The following MGAT4C variants were observed in gnomAD, a reference collection of about 807,000 sequenced individuals.
MGAT4C encodes the protein MGAT4 family member C.
In MGAT4C, 19 loss-of-function variants were observed where a neutral mutation model predicts 40.1. That is an observed-to-expected ratio of 0.47 (90% CI 0.33 to 0.70). The LOEUF is 0.70. Ranked by LOEUF, MGAT4C falls within the 30% of genes least tolerant of loss-of-function variation. The pLI is 0.02. For synonymous variants in MGAT4C, 181 were observed against 187.1 expected (o/e 0.97, Z 0.27); for missense variants, 491 against 563.2 (o/e 0.87, Z 1.30).
chr12:86,099,385 T>TGG (rs11295639), intron 1 of MGAT4C, among the ~76,000 whole-genome samples: 8 of 149,974 alleles, frequency 5.3e-5, no homozygotes, highest in African/African-American at 1.7e-4. Context: ...TTCTTTCTTT[T>TGG]GGGGGGGGGC....
intron 2 of MGAT4C, among the ~76,000 whole-genome samples, chr12:86,643,363 A>T (rs1963447071): frequency 6.6e-6 from 1 of 151,842 alleles, no homozygotes; most frequent in Admixed American, 6.6e-5. Flanking sequence ...AATAATTGAA[A>T]ACATATGCAA....
intron 1 of MGAT4C, among the ~76,000 whole-genome samples, chr12:86,793,437 TTTTA>T (rs571338225): frequency 6.6e-6 from 1 of 152,146 alleles, no homozygotes; most frequent in Non-Finnish European, 1.5e-5. Context: ...TTAGAAATAT[TTTTA>T]TTTAATTTTC....
At chr12:86,563,135 G>C (rs1045529675) in intron 2 of MGAT4C, among the ~76,000 whole-genome samples, 1 of 152,146 alleles carries the variant, frequency 6.6e-6, no homozygotes, top group Non-Finnish European at 1.5e-5. Flanking sequence ...TTTGTGAGGG[G>C]AACACTTGCA....
chr12:86,467,882 A>T (rs1387941595), intron 2 of MGAT4C, among the ~76,000 whole-genome samples: 1 of 152,130 alleles, frequency 6.6e-6, no homozygotes. Flanking sequence ...TACATGGTAG[A>T]TTGACAAATA....
chr12:86,767,913 T>C lies in MGAT4C; in HGVS notation c.-261-40672A>G, dbSNP rs377199427. Among the ~76,000 whole-genome samples the C allele has an allele frequency of 2.8e-4, 42 of 152,190 alleles. 1 individual carries two copies. Among genetic ancestry groups the C allele is most frequent in the South Asian group, 2.5e-3 (12 of 4,824 alleles). On this transcript the variant is annotated intron_variant, in intron 1 of 7. Coordinates refer to the MGAT4C transcript ENST00000548651. ...TGACAAACCCACAGCCAATATCATATTGAATGGGCAAAAACTGGAAGCATT... is the reference window on the plus strand; with the variant it reads ...TGACAAACCCACAGCCAATATCATACTGAATGGGCAAAAACTGGAAGCATT...
At chr12:86,351,158 G>C (rs1197790680) in intron 3 of MGAT4C, among the ~76,000 whole-genome samples, 1 of 151,840 alleles carries the variant, frequency 6.6e-6, no homozygotes, top group Non-Finnish European at 1.5e-5. Context: ...GAAAAATGAA[G>C]GTTTCTCTAG....
At chr12:86,181,267 TC>T (rs1250124674) in intron 1 of MGAT4C, among the ~76,000 whole-genome samples, 1 of 152,146 alleles carries the variant, frequency 6.6e-6, no homozygotes, top group Non-Finnish European at 1.5e-5. Flanking sequence ...TTTGGTTATG[TC>T]TTTTTTAGCA....
chr12:86,673,165 C>G (rs1040363927), intron 2 of MGAT4C, among the ~76,000 whole-genome samples: 2 of 152,022 alleles, frequency 1.3e-5, no homozygotes, highest in African/African-American at 4.8e-5. Flanking sequence ...TTACGGGAAC[C>G]GTTCTATAGA....
rs1368274462 is a variant in MGAT4C, at chr12:85,962,375, A to G, written c.*16914T>C. 6.7e-6 allele frequency: 1 copy of G among 149,808 alleles called. No homozygotes were observed. The highest frequency in any genetic ancestry group is 1.5e-5 in the Non-Finnish European group (1 of 67,310). 9.3% of individuals were successfully genotyped at this position (149,808 alleles called of 1,614,324 possible). A position where few individuals can be genotyped will look rare whatever the true frequency, so the allele number is the denominator to read the frequency against. On this transcript the variant is annotated 3_prime_UTR_variant, in exon 5 of 5. Transcript: ENST00000611864. Reference sequence around the variant, plus strand: ...TAAAGGCTAAACCAGAGCAATTTACAACATCCAATGAAGTAAAATTATATA... The same window carrying G: ...TAAAGGCTAAACCAGAGCAATTTACGACATCCAATGAAGTAAAATTATATA...
chr12:86,735,823 C>T (rs1225377726), intron 1 of MGAT4C, among the ~76,000 whole-genome samples: 7 of 151,948 alleles, frequency 4.6e-5, no homozygotes, highest in East Asian at 2.0e-4. Context: ...TTAGCAAAAT[C>T]GACTATATCC....
At chr12:86,009,551 A>G (rs1005530194) in intron 2 of MGAT4C, among the ~76,000 whole-genome samples, 1 of 152,194 alleles carries the variant, frequency 6.6e-6, no homozygotes, top group African/African-American at 2.4e-5. Context: ...CAGAACCTCT[A>G]GCCAGTAAGC....
rs565593343 is a variant in MGAT4C, at chr12:86,536,664, A to C, written c.-228-101399T>G. Among the ~76,000 whole-genome samples, 8 of 152,344 alleles carry C rather than the reference A, an allele frequency of 5.3e-5. No individual in the cohort carries two copies. The South Asian group carries it at 1.7e-3, about 32-fold the overall frequency. The stretch of plus-strand genomic sequence containing the variant: ...GTACACTTTCTAGAGAGTTTTAAGC[A>C]GAAAAGATTGTGATTCAATAATTTT... On this transcript the variant is annotated intron_variant, in intron 2 of 7. Transcript: ENST00000548651.
At chr12:86,088,700 GCCAACTATGTTA>G (rs33945862) in intron 1 of MGAT4C, among the ~76,000 whole-genome samples, 86,350 of 151,508 alleles carry the variant, frequency 0.57, 25,436 homozygotes, top group East Asian at 0.92. Context: ...TATTAAAAGG[GCCAACTATGTTA>G]ATAGGGCTAC....
At position 85,962,085 on chromosome 12, in the gene MGAT4C, A is replaced by G. The variant is rs1009646704; in HGVS notation, c.*17204T>C. On this transcript the variant is annotated 3_prime_UTR_variant, in exon 5 of 5. Coordinates refer to ENST00000611864, the MANE Select transcript of MGAT4C (RefSeq NM_001351288.2). The stretch of plus-strand genomic sequence containing the variant: ...TTATAAAAGTCATCCTAAGACGTTA[A>G]AAATAACTTACGAAAGGATAGATTC... 6.6e-6 allele frequency: 1 copy of G among 151,918 alleles called. No homozygotes were observed. The highest frequency in any genetic ancestry group is 2.4e-5 in the African/African-American group (1 of 41,442). The allele number at this position is 151,918 out of a possible 1,614,324, so 9.4% of individuals were successfully genotyped here.
intron 1 of MGAT4C, among the ~76,000 whole-genome samples, chr12:86,804,767 T>C (rs1355799917): frequency 6.6e-6 from 1 of 152,026 alleles, no homozygotes; most frequent in Non-Finnish European, 1.5e-5. Context: ...AGTTCAGCTA[T>C]TTTACCTATA....
intron 1 of MGAT4C, among the ~76,000 whole-genome samples, chr12:86,756,948 A>G (rs925266805): frequency 3.9e-5 from 6 of 152,164 alleles, no homozygotes; most frequent in African/African-American, 1.4e-4. Flanking sequence ...CCTTTCTCAA[A>G]TCAAATTAAA....
intron 4 of MGAT4C, among the ~76,000 whole-genome samples, chr12:86,276,395 A>T (rs968264007): frequency 1.3e-5 from 2 of 152,186 alleles, no homozygotes; most frequent in African/African-American, 2.4e-5. Flanking sequence ...CATCACCTCA[A>T]GTAATTTACC....
chr12:86,815,677 C>G (rs1952588380), intron 1 of MGAT4C, among the ~76,000 whole-genome samples: 1 of 151,142 alleles, frequency 6.6e-6, no homozygotes, highest in South Asian at 2.1e-4. Context: ...ACTATGCAGC[C>G]ATAAAAAGGA....
At chr12:86,585,589 T>C (rs1353994737) in intron 2 of MGAT4C, among the ~76,000 whole-genome samples, 1 of 151,484 alleles carries the variant, frequency 6.6e-6, no homozygotes. Context: ...AACCATGTGA[T>C]GACTTGAAGT....
Sources: gnomAD v4.1 joint callset for allele counts (sites outside exome capture counted in the v4.1 genomes callset) on GRCh38, gnomAD v4.1.1 for gene constraint, MANE v1.5 for transcripts, NCBI Gene and HGNC (gene_info 2026-07-23, HGNC 2026-07-21) for gene names.